Variants in PTPRT observed in about 807,000 individuals in gnomAD.
The protein encoded by PTPRT is protein tyrosine phosphatase receptor type T.
In PTPRT, 56 loss-of-function variants were observed where a neutral mutation model predicts 176.8. That is an observed-to-expected ratio of 0.32 (90% CI 0.26 to 0.40). The LOEUF (loss-of-function observed/expected upper bound fraction) is 0.40. Ranked by LOEUF, PTPRT falls within the 10% of genes least tolerant of loss-of-function variation. PTPRT has a pLI of 1.00. For missense variants in PTPRT, 1,540 were observed against 1,908.2 expected, an observed-to-expected ratio of 0.81 and a Z score of 3.60; for synonymous variants, 783 against 739.0, an observed-to-expected ratio of 1.06 and a Z score of -0.96.
rs1296210319 is a variant in PTPRT, at chr20:42,494,036, G to A, written c.1154-21474C>T. ...GACTGATAAGCCCATACAACTTATA[G>A]TATATTTTAAATATGAAGATAGGGG... On this transcript the variant is annotated intron_variant, in intron 7 of 30. Coordinates refer to ENST00000373187, the MANE Select transcript of PTPRT (RefSeq NM_007050.6). 2.0e-5 allele frequency among the ~76,000 whole-genome samples: 3 copies of A among 151,996 alleles called. No individual in the cohort carries two copies. In the East Asian group the frequency reaches 5.8e-4, roughly 29 times the overall value.
At chr20:42,513,407 A>C (rs892923222) in intron 7 of PTPRT, among the ~76,000 whole-genome samples, 3 of 152,164 alleles carry the variant, frequency 2.0e-5, no homozygotes, top group African/African-American at 7.2e-5. Flanking sequence ...CTTAATTCAC[A>C]CAGATTAACA....
chr20:42,254,125 C>T (rs1215083158), intron 13 of PTPRT, among the ~76,000 whole-genome samples: 1 of 152,048 alleles, frequency 6.6e-6, no homozygotes, highest in East Asian at 1.9e-4. Context: ...ACCCAGCAAC[C>T]CTCCCAGCTG....
the PTPRT span, among the ~76,000 whole-genome samples, chr20:42,052,342 G>GGTAGCT: frequency 2.0e-5 from 3 of 152,210 alleles, no homozygotes; most frequent in Non-Finnish European, 4.4e-5. Context: ...TGATAAGGCA[G>GGTAGCT]GTAGCTGCAG....
chr20:42,232,005 G>T (rs532629275), intron 15 of PTPRT, among the ~76,000 whole-genome samples: 12 of 152,104 alleles, frequency 7.9e-5, no homozygotes, highest in Admixed American at 1.3e-4. Context: ...CTTCTTCTTA[G>T]CTCTTACCAC....
intron 1 of PTPRT, among the ~76,000 whole-genome samples, chr20:43,099,942 C>A (rs987247284): frequency 6.6e-6 from 1 of 152,164 alleles, no homozygotes; most frequent in Non-Finnish European, 1.5e-5. Flanking sequence ...CTCCCACAGA[C>A]CTCACATGGT....
intron 7 of PTPRT, among the ~76,000 whole-genome samples, chr20:42,548,171 T>C (rs752382657): frequency 8.6e-5 from 13 of 152,036 alleles, no homozygotes; most frequent in Non-Finnish European, 1.2e-4. Flanking sequence ...ACAAACTCAA[T>C]GCAATCTTGT....
intron 11 of PTPRT, 76 bp downstream of exon 11, chr20:42,350,552 G>A (rs903967676): frequency 4.1e-6 from 5 of 1,223,366 alleles, no homozygotes; most frequent in Non-Finnish European, 4.8e-6. Context: ...GGCATTGCCA[G>A]TCACATGATT....
chr20:42,755,596 T>C (rs1462373429), intron 6 of PTPRT, among the ~76,000 whole-genome samples: 1 of 146,964 alleles, frequency 6.8e-6, no homozygotes, highest in Non-Finnish European at 1.5e-5. Context: ...GCAAAAGCAA[T>C]ATTGCAACAC....
intron 7 of PTPRT, among the ~76,000 whole-genome samples, chr20:42,670,732 T>C (rs2075397892): frequency 6.6e-6 from 1 of 152,142 alleles, no homozygotes; most frequent in Non-Finnish European, 1.5e-5. Context: ...GGGCCTTTGA[T>C]TGACACGCAA....
intron 7 of PTPRT, among the ~76,000 whole-genome samples, chr20:42,599,321 G>A (rs1387597588): frequency 6.6e-6 from 1 of 152,142 alleles, no homozygotes; most frequent in African/African-American, 2.4e-5. Flanking sequence ...TCTGGGAGGT[G>A]CCACAAGGAG....
chr20:42,740,632 G>A (rs1213548322), intron 6 of PTPRT, among the ~76,000 whole-genome samples: 1 of 152,204 alleles, frequency 6.6e-6, no homozygotes, highest in East Asian at 1.9e-4. Flanking sequence ...GCAAAAGAAA[G>A]GCAGGGAAAA....
At chr20:42,608,072 G>C (rs1292352500) in intron 7 of PTPRT, among the ~76,000 whole-genome samples, 1 of 152,164 alleles carries the variant, frequency 6.6e-6, no homozygotes, top group Admixed American at 6.5e-5. Context: ...CTGAGACTCA[G>C]ACCAGTAAAG....
At position 42,583,610 on chromosome 20, in the gene PTPRT, A is replaced by C. The variant is rs149047974; in HGVS notation, c.1153+94256T>G. Among the ~76,000 whole-genome samples, 1,177 of 152,042 alleles carry C rather than the reference A, an allele frequency of 7.7e-3. 12 individuals are homozygous for C. The highest frequency in any genetic ancestry group is 0.021 in the African/African-American group (877 of 41,462). ...CACAAATACAAACATGCACTCCCCC[A>C]CACACACACATACATGGACACACAC... On this transcript the variant is annotated intron_variant, in intron 7 of 30. Transcript: ENST00000373187.
At chr20:42,844,041 G>A (rs1288662201) in intron 2 of PTPRT, among the ~76,000 whole-genome samples, 3 of 152,226 alleles carry the variant, frequency 2.0e-5, no homozygotes, top group Non-Finnish European at 4.4e-5. Flanking sequence ...AAGTAGTTAA[G>A]TGTATGTATT....
Position 42,084,759 on chromosome 20 carries a change from C to T in PTPRT, c.4059G>A (p.Leu1353=). 6.4e-7 allele frequency: 1 copy of T among 1,566,138 alleles called. No homozygotes were observed. The highest frequency in any genetic ancestry group is 8.7e-7 in the Non-Finnish European group (1 of 1,152,622). The change falls in exon 29 of 31, where the codon CTG becomes CTA. Residue 1353 remains leucine (L), a synonymous_variant. Transcript: ENST00000373187. ...YRDTPPSKRS[L]LKVVRRLEKW... is the part of the protein sequence containing the mutation. ...TCTCCAGTCGTCGGACCACTTTGAG[C>T]AGAGAGCGCTTGGAGGGGGGCGTGT...
intron 7 of PTPRT, among the ~76,000 whole-genome samples, chr20:42,566,936 T>C (rs1214897900): frequency 6.6e-6 from 1 of 152,182 alleles, no homozygotes; most frequent in Non-Finnish European, 1.5e-5. Flanking sequence ...TTCGTAACTT[T>C]TCCATGAATC....
At chr20:42,034,574 T>C in the PTPRT span, among the ~76,000 whole-genome samples, 4 of 152,110 alleles carry the variant, frequency 2.6e-5, no homozygotes, top group African/African-American at 7.2e-5. Flanking sequence ...AGGATCCTCA[T>C]GTAGGGTTCC....
At chr20:42,768,929 G>T (rs760928069) in intron 5 of PTPRT, among the ~76,000 whole-genome samples, 1 of 152,120 alleles carries the variant, frequency 6.6e-6, no homozygotes, top group Non-Finnish European at 1.5e-5. Flanking sequence ...CCACAATAAC[G>T]ATCATAAAAT....
At chr20:42,508,127 T>TGTGTGTGTGTGTGTGTGTGTGTGTGTG (rs1555871976) in intron 7 of PTPRT, among the ~76,000 whole-genome samples, 10 of 146,702 alleles carry the variant, frequency 6.8e-5, no homozygotes, top group African/African-American at 2.6e-4. Context: ...ATTACCCTTT[T>TGTGTGTGTGTGTGTGTGTGTGTGTGTG]TGTGTGTGTG....
Sources: allele counts gnomAD v4.1 joint callset (sites outside exome capture counted in the v4.1 genomes callset), GRCh38; gene constraint gnomAD v4.1.1; transcripts MANE v1.5; gene names NCBI Gene and HGNC (gene_info 2026-07-23, HGNC 2026-07-21).